The following UGCG variants were observed in gnomAD, a reference collection of about 807,000 sequenced individuals.
UGCG encodes ceramide glucosyltransferase.
Under a neutral mutation model 49.5 loss-of-function variants are expected in UGCG, and 10 were observed. That is an observed-to-expected ratio of 0.20 (90% CI 0.12 to 0.34). UGCG has a LOEUF of 0.34. Among genes scored for constraint, UGCG ranks in the 10% least tolerant of loss-of-function variants. The pLI is 1.00. For missense variants in UGCG, 312 were observed against 483.7 expected (o/e 0.65, Z 3.33); for synonymous variants, 182 against 158.2 (o/e 1.15, Z -1.13).
At position 111,933,856 on chromosome 9, in the gene UGCG, G is replaced by T. The variant is rs186984853; in HGVS notation, c.*859G>T. Reference sequence around the variant, plus strand: ...CCGTCTTCCCTTAACATTTTTTCAGGGGGGGTTGGGAGTGGTTTCATTTTA... The same window carrying T: ...CCGTCTTCCCTTAACATTTTTTCAGTGGGGGTTGGGAGTGGTTTCATTTTA... On this transcript the variant is annotated 3_prime_UTR_variant, in exon 9 of 9. Transcript: ENST00000374279. 2.6e-5 allele frequency: 4 copies of T among 152,056 alleles called. No individual in the cohort carries two copies. Among genetic ancestry groups the T allele is most frequent in the Non-Finnish European group, 4.4e-5 (3 of 68,022 alleles). The allele number at this position is 152,056 out of a possible 1,614,324, so 9.4% of individuals were successfully genotyped here.
Position 111,935,024 on chromosome 9 carries a change from G to C in UGCG, c.*2027G>C, listed in dbSNP as rs1838495774. 6.6e-6 allele frequency: 1 copy of C among 152,160 alleles called. No homozygotes were observed. The highest frequency in any genetic ancestry group is 2.4e-5 in the African/African-American group (1 of 41,444). The allele number at this position is 152,160 out of a possible 1,614,324, so 9.4% of individuals were successfully genotyped here. A position where few individuals can be genotyped will look rare whatever the true frequency, so the allele number is the denominator to read the frequency against. On this transcript the variant is annotated 3_prime_UTR_variant, in exon 9 of 9. Transcript: ENST00000374279. ...ATTACTTAGCTCTCTGCTGATCTCA[G>C]TATGGACAGTGTAACAACAAAACCA...
Position 111,933,027 on chromosome 9 carries a change from A to G in UGCG, c.*30A>G. 1 of 1,439,322 alleles carries G rather than the reference A, an allele frequency of 6.9e-7. No individual in the cohort carries two copies. The highest frequency in any genetic ancestry group is 9.2e-7 in the Non-Finnish European group (1 of 1,089,310). 89.2% of individuals were successfully genotyped at this position (1,439,322 alleles called of 1,614,324 possible). A position where few individuals can be genotyped will look rare whatever the true frequency, so the allele number is the denominator to read the frequency against. The stretch of plus-strand genomic sequence containing the variant: ...AGCTTTGTGACTGTATATAAAGGAA[A>G]AAAGAGAAGTATTATAAATTATGTT... On this transcript the variant is annotated 3_prime_UTR_variant, in exon 9 of 9. Coordinates refer to ENST00000374279, the MANE Select transcript of UGCG (RefSeq NM_003358.3).
intron 2 of UGCG, among the ~76,000 whole-genome samples, chr9:111,921,802 A>ATGTTTTTTTTTTTTTTTTTTTTTT (rs1838226065): frequency 1.8e-5 from 1 of 55,536 alleles, no homozygotes; most frequent in Non-Finnish European, 3.2e-5. Context: ...CCCCAGGGTG[A>ATGTTTTTTTTTTTTTTTTTTTTTT]TTTTTTTTTT....
intron 1 of UGCG, among the ~76,000 whole-genome samples, chr9:111,910,995 C>T (rs1837986521): frequency 6.6e-6 from 1 of 152,184 alleles, no homozygotes. Flanking sequence ...GATCCACCTG[C>T]CTCCACCTTT....
intron 1 of UGCG, among the ~76,000 whole-genome samples, chr9:111,906,241 C>T (rs932948899): frequency 3.3e-5 from 5 of 152,046 alleles, no homozygotes; most frequent in African/African-American, 7.2e-5. Context: ...TCTTTCCCAT[C>T]TCTCATTGTG....
At chr9:111,923,987 TC>T (rs1474045901) in intron 3 of UGCG, among the ~76,000 whole-genome samples, 1 of 152,128 alleles carries the variant, frequency 6.6e-6, no homozygotes, top group African/African-American at 2.4e-5. Flanking sequence ...AGATGGGGTT[TC>T]GCCATGTCAT....
intron 3 of UGCG, 21 bp downstream of exon 3, chr9:111,922,972 T>C: frequency 6.7e-7 from 1 of 1,502,020 alleles, no homozygotes; most frequent in South Asian, 1.1e-5. Context: ...AATTCTGTAG[T>C]AACCATTTTC....
At chr9:111,920,313 C>T (rs1589525097) in intron 2 of UGCG, among the ~76,000 whole-genome samples, 1 of 152,080 alleles carries the variant, frequency 6.6e-6, no homozygotes, top group East Asian at 1.9e-4. Context: ...AGCTAACCTT[C>T]TTCATTAACC....
At position 111,897,301 on chromosome 9, in the gene UGCG, C is replaced by A. The variant is rs1269963179; in HGVS notation, c.86C>A (p.Ala29Asp). The part of the protein sequence containing the change: ...FLVLWLMHFM[A>D]IIYTRLHLNK... ...GTGCTGTGGCTGATGCATTTCATGG[C>A]TATCATCTACACGTGAGTGAGGGAC... is the stretch of plus-strand genomic sequence containing the variant. The change falls in exon 1 of 9, where the codon GCT becomes GAT. Residue 29 changes from alanine to aspartate, a missense_variant. This residue lies in a region of UGCG where 65 missense variants were observed against 74.7 expected (regional missense o/e 0.87). Transcript: ENST00000374279. 1.3e-6 allele frequency: 2 copies of A among 1,556,802 alleles called. No homozygotes were observed. The highest frequency in any genetic ancestry group is 1.4e-5 in the African/African-American group (1 of 73,394).
chr9:111,930,685 G>C (rs553574344), intron 6 of UGCG, among the ~76,000 whole-genome samples: 2 of 151,914 alleles, frequency 1.3e-5, no homozygotes, highest in Admixed American at 6.6e-5. Flanking sequence ...GGCCAGGCTA[G>C]TCTTGAACTC....
intron 2 of UGCG, among the ~76,000 whole-genome samples, chr9:111,921,514 G>A (rs1483290169): frequency 6.6e-6 from 1 of 151,790 alleles, no homozygotes; most frequent in African/African-American, 2.4e-5. Flanking sequence ...ACATGGTGGC[G>A]GGCATCTGTA....
Position 111,933,151 on chromosome 9 carries a change from GAAA to G in UGCG, c.*166_*168del, listed in dbSNP as rs57039844. On this transcript the variant is annotated 3_prime_UTR_variant, in exon 9 of 9. Transcript: ENST00000374279. ...ATTTTTGCATGGCACTTGCATCTGT[GAAA>G]AAAAAAAAAAACACATCTGTAGTCT... The G allele has an allele frequency of 1.2e-4, 51 of 416,826 alleles. No individual in the cohort carries two copies. The highest frequency in any genetic ancestry group is 7.3e-4 in the Middle Eastern group (1 of 1,376). 25.8% of individuals were successfully genotyped at this position (416,826 alleles called of 1,614,324 possible). A position where few individuals can be genotyped will look rare whatever the true frequency, so the allele number is the denominator to read the frequency against.
At chr9:111,919,872 C>G (rs1838189285) in intron 2 of UGCG, among the ~76,000 whole-genome samples, 1 of 152,020 alleles carries the variant, frequency 6.6e-6, no homozygotes, top group South Asian at 2.1e-4. Flanking sequence ...GCTGAGCAGC[C>G]TCCTATAGTA....
intron 2 of UGCG, among the ~76,000 whole-genome samples, chr9:111,921,344 A>G (rs1017597655): frequency 6.6e-6 from 1 of 152,156 alleles, no homozygotes; most frequent in Non-Finnish European, 1.5e-5. Flanking sequence ...TATGTTAAGG[A>G]CAAATACTTA....
chr9:111,914,841 G>A, intron 2 of UGCG, 95 bp downstream of exon 2: 1 of 1,496,332 alleles, frequency 6.7e-7, no homozygotes, highest in South Asian at 1.3e-5. Context: ...TAAGGTGAAG[G>A]TATTAAAAAT....
chr9:111,899,730 T>C (rs776832873), intron 1 of UGCG, among the ~76,000 whole-genome samples: 6 of 152,202 alleles, frequency 3.9e-5, no homozygotes, highest in Non-Finnish European at 8.8e-5. Context: ...CTTAGTATTT[T>C]TTTCTTAATT....
intron 1 of UGCG, among the ~76,000 whole-genome samples, chr9:111,897,837 G>A (rs952509707): frequency 1.1e-4 from 16 of 151,658 alleles, no homozygotes; most frequent in African/African-American, 3.9e-4. Context: ...CCAAACCTCC[G>A]AGCTGGCATG....
chr9:111,921,669 G>A (rs1838223570), intron 2 of UGCG, among the ~76,000 whole-genome samples: 1 of 151,478 alleles, frequency 6.6e-6, no homozygotes, highest in Non-Finnish European at 1.5e-5. Flanking sequence ...AAAAAGTTGG[G>A]TTGTTAATGG....
At chr9:111,900,665 TG>T (rs1837751682) in intron 1 of UGCG, among the ~76,000 whole-genome samples, 1 of 151,946 alleles carries the variant, frequency 6.6e-6, no homozygotes. Context: ...GGCTAATTTT[TG>T]TGCTTTTTGT....
Sources: allele counts gnomAD v4.1 joint callset (sites outside exome capture counted in the v4.1 genomes callset), GRCh38; gene constraint gnomAD v4.1.1; regional missense constraint gnomAD v4.1.1; transcripts MANE v1.5; gene names NCBI Gene and HGNC (gene_info 2026-07-23, HGNC 2026-07-21).